Variants in NR2C2 observed in about 807,000 individuals in gnomAD.
The protein encoded by NR2C2 is nuclear receptor subfamily 2 group C member 2.
NR2C2 carries 6 observed loss-of-function variants against 62.9 expected under a neutral mutation model. That is an observed-to-expected ratio of 0.10 (90% CI 0.05 to 0.19). The LOEUF is 0.19. Ranked by LOEUF, NR2C2 falls within the 10% of genes least tolerant of loss-of-function variation. The probability of loss-of-function intolerance (pLI) is 1.00; values close to 1 mark genes in which losing one functional copy is unlikely to be tolerated. For synonymous variants in NR2C2, 272 were observed against 273.8 expected, an observed-to-expected ratio of 0.99 and a Z score of 0.07; for missense variants, 479 against 762.7, an observed-to-expected ratio of 0.63 and a Z score of 4.38.
intron 1 of NR2C2, among the ~76,000 whole-genome samples, chr3:15,001,208 A>ATAT (rs1446685352): frequency 6.6e-6 from 1 of 151,504 alleles, no homozygotes; most frequent in African/African-American, 2.4e-5. Context: ...ATTTCTAAAT[A>ATAT]TATTATCCTT....
intron 1 of NR2C2, among the ~76,000 whole-genome samples, chr3:14,983,313 A>G (rs754642309): frequency 9.2e-5 from 14 of 151,752 alleles, no homozygotes; most frequent in South Asian, 2.1e-4. Context: ...CGATTGTCAG[A>G]TGCTCTTTTT....
chr3:15,036,256 G>A (rs562455702), intron 11 of NR2C2, among the ~76,000 whole-genome samples: 83 of 151,746 alleles, frequency 5.5e-4, no homozygotes, highest in African/African-American at 1.3e-3. Flanking sequence ...CAGGACATAC[G>A]TACCTCACCC....
intron 11 of NR2C2, 89 bp from the exon 12 acceptor site, chr3:15,037,911 T>C (rs2042148665): frequency 7.7e-7 from 1 of 1,292,358 alleles, no homozygotes; most frequent in South Asian, 1.4e-5. Flanking sequence ...AGTGAAATGG[T>C]CCCATTTCTT....
chr3:14,949,718 C>T (rs1022591675), intron 1 of NR2C2, among the ~76,000 whole-genome samples: 1 of 152,068 alleles, frequency 6.6e-6, no homozygotes, highest in Non-Finnish European at 1.5e-5. Flanking sequence ...GCTGGGAATA[C>T]AAAAAAGTAA....
chr3:14,961,375 C>T (rs2039682645), intron 1 of NR2C2, among the ~76,000 whole-genome samples: 1 of 152,128 alleles, frequency 6.6e-6, no homozygotes, highest in African/African-American at 2.4e-5. Flanking sequence ...GCAAGATAAT[C>T]CACTTTGTGA....
chr3:14,968,982 G>A (rs2039950221), intron 1 of NR2C2, among the ~76,000 whole-genome samples: 1 of 132,586 alleles, frequency 7.5e-6, no homozygotes, highest in Admixed American at 8.2e-5. Context: ...TCTGGGGACT[G>A]TTGTGGGGTG....
At chr3:15,009,468 C>T (rs2041288676) in intron 2 of NR2C2, among the ~76,000 whole-genome samples, 1 of 152,138 alleles carries the variant, frequency 6.6e-6, no homozygotes, top group African/African-American at 2.4e-5. Flanking sequence ...GCATTATACT[C>T]AAATTATTTA....
rs1013195358 is a variant in NR2C2 at position 15,047,664 on chromosome 3, C to G, written c.*4656C>G. 6.6e-6 allele frequency: 1 copy of G among 152,204 alleles called. No homozygotes were observed. The highest frequency in any genetic ancestry group is 2.4e-5 in the African/African-American group (1 of 41,460). The allele number at this position is 152,204 out of a possible 1,614,324, so 9.4% of individuals were successfully genotyped here. A position where few individuals can be genotyped will look rare whatever the true frequency, so the allele number is the denominator to read the frequency against. On this transcript the variant is annotated 3_prime_UTR_variant, in exon 14 of 14. Transcript: ENST00000425241. ...CAAGATGTGGGGCACTGTCCTATGA[C>G]TGAATAAATAGTAATTCCCATCTTT...
At chr3:14,998,808 G>A (rs1254083211) in intron 1 of NR2C2, among the ~76,000 whole-genome samples, 1 of 152,098 alleles carries the variant, frequency 6.6e-6, no homozygotes, top group East Asian at 1.9e-4. Context: ...GCCAGGAGTT[G>A]GAGACAAGCC....
intron 1 of NR2C2, among the ~76,000 whole-genome samples, chr3:14,968,749 T>C (rs372214060): frequency 5.0e-5 from 7 of 139,948 alleles, no homozygotes; most frequent in Non-Finnish European, 7.6e-5. Context: ...TGTCCAACAA[T>C]GATAGACTGG....
In NR2C2 at chr3:14,974,650, C is replaced by T. The variant is rs573447439; in HGVS notation, c.-40+26744C>T. Among the ~76,000 whole-genome samples the T allele has an allele frequency of 2.0e-5, 3 of 150,320 alleles. No homozygotes were observed. In the East Asian group the frequency reaches 5.8e-4, roughly 29 times the overall value. ...AGATGGTCTCACTGTTTCACCCAGG[C>T]TGGAGTGCAGTGGTACAATTTAGGC... is the stretch of plus-strand genomic sequence containing the variant. On this transcript the variant is annotated intron_variant, in intron 1 of 13. Coordinates refer to ENST00000425241, the MANE Select transcript of NR2C2 (RefSeq NM_001291694.2).
At chr3:14,973,768 C>CT (rs200840641) in intron 1 of NR2C2, among the ~76,000 whole-genome samples, 5 of 151,264 alleles carry the variant, frequency 3.3e-5, no homozygotes, top group Middle Eastern at 3.2e-3. Context: ...GCTCTCTCTC[C>CT]TTTTTTTTTC....
intron 5 of NR2C2, among the ~76,000 whole-genome samples, chr3:15,021,202 A>G (rs183762292): frequency 1.6e-4 from 25 of 152,230 alleles, no homozygotes; most frequent in African/African-American, 6.0e-4. Context: ...GCTTTGGAGG[A>G]AAGCTGATAC....
At chr3:15,007,830 A>G (rs1337744263) in intron 2 of NR2C2, among the ~76,000 whole-genome samples, 1 of 152,232 alleles carries the variant, frequency 6.6e-6, no homozygotes, top group Non-Finnish European at 1.5e-5. Flanking sequence ...CAGTGTACCA[A>G]ACAGTTTCAC....
Position 15,047,442 on chromosome 3 carries a change from T to A in NR2C2, c.*4434T>A. 1 of 152,034 alleles carries A rather than the reference T, an allele frequency of 6.6e-6. No individual in the cohort carries two copies. The highest frequency in any genetic ancestry group is 1.9e-4 in the East Asian group (1 of 5,202). The allele number at this position is 152,034 out of a possible 1,614,324, so 9.4% of individuals were successfully genotyped here. A position where few individuals can be genotyped will look rare whatever the true frequency, so the allele number is the denominator to read the frequency against. ...CAAAACTAAGTGGGAATTTTTAACC[T>A]TTTCATGCACCTATTCATGGCCCTA... is the stretch of plus-strand genomic sequence containing the variant. On this transcript the variant is annotated 3_prime_UTR_variant, in exon 14 of 14. Coordinates refer to ENST00000425241, the MANE Select transcript of NR2C2 (RefSeq NM_001291694.2).
chr3:14,999,986 T>G (rs1312868268), intron 1 of NR2C2, among the ~76,000 whole-genome samples: 1 of 152,208 alleles, frequency 6.6e-6, no homozygotes, highest in South Asian at 2.1e-4. Context: ...TCAAGCTCAT[T>G]AACATATCCA....
intron 5 of NR2C2, among the ~76,000 whole-genome samples, chr3:15,022,943 A>C (rs561796902): frequency 6.6e-6 from 1 of 152,342 alleles, no homozygotes; most frequent in South Asian, 2.1e-4. Context: ...TCCATAGGCC[A>C]CATAGGTGCT....
chr3:15,016,197 G>C lies in NR2C2; in HGVS notation c.319G>C (p.Asp107His). The C allele has an allele frequency of 6.2e-7, 1 of 1,614,138 alleles. No homozygotes were observed. The highest frequency in any genetic ancestry group is 8.5e-7 in the Non-Finnish European group (1 of 1,180,022). ...TGTGGAGCGTTTACTGGGGAAGACG[G>C]ACGTCCAGCGGCCCCAGGTGGTAGA... ...ASVERLLGKT[D>H]VQRPQVVEYC... Residue 107 changes from aspartate (D) to histidine (H), a missense_variant, in exon 4 of 14, where the codon GAC (aspartate) becomes CAC (histidine). Physicochemically the swap from Asp to His is moderately conservative, Grantham distance 81. Coordinates refer to ENST00000425241, the MANE Select transcript of NR2C2 (RefSeq NM_001291694.2).
intron 1 of NR2C2, among the ~76,000 whole-genome samples, chr3:14,975,163 G>A (rs373944650): frequency 1.8e-4 from 27 of 152,120 alleles, no homozygotes; most frequent in African/African-American, 5.3e-4. Context: ...AGGTTCTGTC[G>A]TCTGTGAATG....
Sources: gnomAD v4.1 joint callset for allele counts (sites outside exome capture counted in the v4.1 genomes callset) on GRCh38, gnomAD v4.1.1 for gene constraint, MANE v1.5 for transcripts, NCBI Gene and HGNC (gene_info 2026-07-23, HGNC 2026-07-21) for gene names.